The following PRKN variants were observed in gnomAD, a reference collection of about 807,000 sequenced individuals.
The protein encoded by PRKN is parkin RBR E3 ubiquitin protein ligase, also known as E3 ubiquitin-protein ligase parkin.
PRKN carries 56 observed loss-of-function variants against 59.5 expected under a neutral mutation model. That is an observed-to-expected ratio of 0.94 (90% CI 0.76 to 1.18). PRKN has a LOEUF of 1.18. Ranked by LOEUF, PRKN falls within the 50% of genes most tolerant of loss-of-function variation. The probability of loss-of-function intolerance (pLI) is 0.00; values close to 1 mark genes in which losing one functional copy is unlikely to be tolerated. For synonymous variants in PRKN, 250 were observed against 222.1 expected, an observed-to-expected ratio of 1.13 and a Z score of -1.12; for missense variants, 657 against 596.4, an observed-to-expected ratio of 1.10 and a Z score of -1.06.
At chr6:162,551,399 G>C (rs1385802932) in intron 1 of PRKN, among the ~76,000 whole-genome samples, 1 of 152,148 alleles carries the variant, frequency 6.6e-6, no homozygotes, top group Non-Finnish European at 1.5e-5. Flanking sequence ...CAAATAATGA[G>C]AATAACTCCT....
intron 1 of PRKN, among the ~76,000 whole-genome samples, chr6:162,503,898 T>C (rs9365453): frequency 0.53 from 80,811 of 151,862 alleles, 21,635 homozygotes; most frequent in African/African-American, 0.59. Flanking sequence ...GATTACAAAG[T>C]GTTTCAATGC....
chr6:162,471,755 T>C (rs6907497), intron 1 of PRKN, among the ~76,000 whole-genome samples: 44,666 of 152,180 alleles, frequency 0.29, 6,782 homozygotes, highest in East Asian at 0.44. Context: ...TATGCATATG[T>C]ACTAATACAG....
chr6:162,497,836 T>C (rs528657875), intron 1 of PRKN, among the ~76,000 whole-genome samples: 25 of 152,292 alleles, frequency 1.6e-4, no homozygotes, highest in African/African-American at 5.8e-4. Context: ...ATGTTCTAGT[T>C]TTCAATAGCA....
chr6:161,848,404 T>C (rs1793288452), intron 6 of PRKN, among the ~76,000 whole-genome samples: 1 of 152,196 alleles, frequency 6.6e-6, no homozygotes. Flanking sequence ...CATTTTCTTA[T>C]CATAGGGAAA....
intron 2 of PRKN, among the ~76,000 whole-genome samples, chr6:162,284,831 A>T (rs1393958464): frequency 6.6e-6 from 1 of 152,126 alleles, no homozygotes; most frequent in Non-Finnish European, 1.5e-5. Flanking sequence ...CACAGCTACA[A>T]GTGTTATGGG....
chr6:162,563,291 G>A (rs113566645), intron 1 of PRKN, among the ~76,000 whole-genome samples: 8 of 149,328 alleles, frequency 5.4e-5, no homozygotes, highest in East Asian at 4.0e-4. Flanking sequence ...GCGACAGAGC[G>A]AGACTCCATC....
At chr6:161,721,530 A>AAAT (rs920504008) in intron 7 of PRKN, among the ~76,000 whole-genome samples, 1 of 152,234 alleles carries the variant, frequency 6.6e-6, no homozygotes, top group Non-Finnish European at 1.5e-5. Flanking sequence ...CTTCTTGATA[A>AAAT]AATAATAAAA....
intron 2 of PRKN, among the ~76,000 whole-genome samples, chr6:162,339,581 G>C (rs1242846775): frequency 7.4e-5 from 11 of 149,080 alleles, no homozygotes; most frequent in Non-Finnish European, 1.6e-4. Flanking sequence ...CTGCCCGGCC[G>C]CCCCTACTGG....
chr6:161,621,318 C>G (rs557108268), intron 7 of PRKN, among the ~76,000 whole-genome samples: 1 of 152,148 alleles, frequency 6.6e-6, no homozygotes, highest in East Asian at 1.9e-4. Context: ...GGATGCTGGT[C>G]GTGTGGCTCA....
intron 1 of PRKN, among the ~76,000 whole-genome samples, chr6:162,721,550 G>A (rs565763186): frequency 3.9e-5 from 6 of 152,014 alleles, no homozygotes; most frequent in South Asian, 4.1e-4. Context: ...CTAGAAGGCC[G>A]CCTTCACCTA....
At chr6:162,150,116 C>T (rs1276828601) in intron 4 of PRKN, among the ~76,000 whole-genome samples, 1 of 152,136 alleles carries the variant, frequency 6.6e-6, no homozygotes, top group Admixed American at 6.5e-5. Context: ...ATTCCCAATA[C>T]CAAACACATC....
At chr6:162,337,424 G>T (rs1313270782) in intron 2 of PRKN, among the ~76,000 whole-genome samples, 1 of 152,144 alleles carries the variant, frequency 6.6e-6, no homozygotes, top group Non-Finnish European at 1.5e-5. Flanking sequence ...AACACATTTG[G>T]ACCCATTCTT....
At chr6:162,346,245 TC>T (rs1784399427) in intron 2 of PRKN, among the ~76,000 whole-genome samples, 1 of 152,132 alleles carries the variant, frequency 6.6e-6, no homozygotes, top group Admixed American at 6.6e-5. Context: ...TCGTGTTTTT[TC>T]CCAATCTTAA....
chr6:162,020,038 A>T (rs1205235697), intron 5 of PRKN, among the ~76,000 whole-genome samples: 1 of 151,436 alleles, frequency 6.6e-6, no homozygotes, highest in Non-Finnish European at 1.5e-5. Flanking sequence ...AAAAAAAAAT[A>T]TCACAAAGTG....
intron 1 of PRKN, among the ~76,000 whole-genome samples, chr6:162,676,363 AT>A (rs1222481909): frequency 1.3e-5 from 2 of 152,128 alleles, no homozygotes; most frequent in Non-Finnish European, 2.9e-5. Context: ...CAAAAAAAAA[AT>A]AGCAGAGGTG....
intron 1 of PRKN, among the ~76,000 whole-genome samples, chr6:162,624,796 C>A (rs1055546675): frequency 6.6e-6 from 1 of 152,188 alleles, no homozygotes; most frequent in Non-Finnish European, 1.5e-5. Flanking sequence ...GCTGGGATTA[C>A]AGGTGTGAGA....
At chr6:161,398,207 G>A (rs1786856281) in intron 9 of PRKN, among the ~76,000 whole-genome samples, 1 of 152,082 alleles carries the variant, frequency 6.6e-6, no homozygotes, top group South Asian at 2.1e-4. Context: ...TAGCAGCTCT[G>A]AATCTTCTGG....
At chr6:162,025,478 T>C (rs1415503722) in intron 5 of PRKN, among the ~76,000 whole-genome samples, 1 of 152,054 alleles carries the variant, frequency 6.6e-6, no homozygotes, top group Non-Finnish European at 1.5e-5. Flanking sequence ...TCATTCCATC[T>C]TTTTAGTGAC....
intron 1 of PRKN, among the ~76,000 whole-genome samples, chr6:162,523,192 A>C (rs1406696084): frequency 6.6e-6 from 1 of 152,214 alleles, no homozygotes; most frequent in Non-Finnish European, 1.5e-5. Flanking sequence ...ACGAAATTAC[A>C]GATGAGGCAG....
Sources: gnomAD v4.1 joint callset for allele counts (sites outside exome capture counted in the v4.1 genomes callset) on GRCh38, gnomAD v4.1.1 for gene constraint, MANE v1.5 for transcripts, NCBI Gene and HGNC (gene_info 2026-07-23, HGNC 2026-07-21) for gene names.